The following TNS1 variants were observed in gnomAD, a reference collection of about 807,000 sequenced individuals.
TNS1 encodes tensin 1.
Under a neutral mutation model 168.6 loss-of-function variants are expected in TNS1, and 62 were observed. The ratio of observed to expected loss-of-function variants is 0.37; its 90% confidence interval spans 0.30 to 0.45. The LOEUF is 0.45. Ranked by LOEUF, TNS1 falls within the 20% of genes least tolerant of loss-of-function variation. The pLI, the probability that TNS1 is intolerant of heterozygous loss-of-function variation, is 1.00. For missense variants in TNS1, 2,240 were observed against 2,339.4 expected, an observed-to-expected ratio of 0.96 and a Z score of 0.88; for synonymous variants, 934 against 933.2, an observed-to-expected ratio of 1.00 and a Z score of -0.02.
intron 18 of TNS1, chr2:217,850,153 C>T: frequency 1.0e-6 from 1 of 985,406 alleles, no homozygotes; most frequent in Non-Finnish European, 1.2e-6. Context: ...GGCAGGATCA[C>T]AGCAGGTCTG....
chr2:217,821,690 G>A, intron 23 of TNS1, 50 bp downstream of exon 23: 2 of 1,404,584 alleles, frequency 1.4e-6, no homozygotes, highest in Non-Finnish European at 1.9e-6. Context: ...TCCCGTCCCA[G>A]TCCCAGGCCC....
chr2:217,842,741 G>C (rs1946147801), intron 19 of TNS1, among the ~76,000 whole-genome samples: 1 of 152,124 alleles, frequency 6.6e-6, no homozygotes. Flanking sequence ...AGCTGTCCCT[G>C]TTCCCATTTC....
chr2:218,011,080 A>G (rs2106000725), upstream of TNS1, among the ~76,000 whole-genome samples: 1 of 151,974 alleles, frequency 6.6e-6, no homozygotes, highest in African/African-American at 2.4e-5. Flanking sequence ...CTGGACCAGC[A>G]CTCTAGGGCT....
chr2:217,934,008 C>T (rs138380981), intron 3 of TNS1, among the ~76,000 whole-genome samples: 1 of 152,186 alleles, frequency 6.6e-6, no homozygotes, highest in Non-Finnish European at 1.5e-5. Context: ...GTACTTCATA[C>T]AGATTATCCC....
chr2:217,998,080 G>C (rs1958502203), intron 1 of TNS1, among the ~76,000 whole-genome samples: 1 of 152,160 alleles, frequency 6.6e-6, no homozygotes, highest in Admixed American at 6.5e-5. Flanking sequence ...AGATGCTCTT[G>C]GTCTCCAAGC....
intron 18 of TNS1, chr2:217,859,620 G>A (rs1455147754): frequency 6.5e-7 from 1 of 1,533,832 alleles, no homozygotes; most frequent in South Asian, 1.2e-5. Flanking sequence ...AGGCCAGTGT[G>A]TGTCTGGCCA....
chr2:217,848,608 T>C lies in TNS1; in HGVS notation c.1909A>G (p.Ser637Gly), dbSNP rs1947027854. The C allele has an allele frequency of 6.2e-7, 1 of 1,614,212 alleles. No homozygotes were observed. Among genetic ancestry groups the C allele is most frequent in the African/African-American group, 1.3e-5 (1 of 75,066 alleles). The part of the protein sequence containing the change: ...DDELPNQDGH[S>G]AGSMGTLSSL... ...GAGAGTGTGCCCATGCTGCCCGCACTGTGACCATCCTGGTTTGGCAATTCA... is the reference window on the plus strand; with the variant it reads ...GAGAGTGTGCCCATGCTGCCCGCACCGTGACCATCCTGGTTTGGCAATTCA... The change falls in exon 19 of 33, where the codon AGT (serine) becomes GGT (glycine). Residue 637 changes from serine to glycine, a missense_variant. Physicochemically the swap from Ser to Gly is moderately conservative, Grantham distance 56. This residue lies in a region of TNS1 where 2,131 missense variants were observed against 2,171.2 expected (regional missense o/e 0.98). Coordinates refer to ENST00000682258, the MANE Select transcript of TNS1 (RefSeq NM_001387777.1).
chr2:217,836,066 G>A lies in TNS1; in HGVS notation c.3153C>T (p.Ser1051=), dbSNP rs1945123600. 20 of 1,613,920 alleles carry A rather than the reference G, an allele frequency of 1.2e-5. No individual in the cohort carries two copies. The highest frequency in any genetic ancestry group is 1.5e-5 in the Non-Finnish European group (18 of 1,179,964). The change falls in exon 20 of 33, where the codon TCC becomes TCT. Residue 1051 remains serine, a synonymous_variant. Coordinates refer to ENST00000682258, the MANE Select transcript of TNS1 (RefSeq NM_001387777.1). ...PGVRSPVQCV[S]PELALTIALN... ...GAGCGATGGTAAGAGCCAGCTCCGG[G>A]GAGACACACTGGACAGGGGAGCGAA...
chr2:217,829,738 G>GTA, intron 22 of TNS1: 1 of 1,350,182 alleles, frequency 7.4e-7, no homozygotes, highest in Admixed American at 1.7e-5. Flanking sequence ...GGTCGCCTGA[G>GTA]TCCCAGTGAG....
At position 217,847,881 on chromosome 2, in the gene TNS1, C is replaced by T. The variant is rs774313703; in HGVS notation, c.2636G>A (p.Arg879His). 47 of 1,564,080 alleles carry T rather than the reference C, an allele frequency of 3.0e-5. No homozygotes were observed. Among genetic ancestry groups the T allele is most frequent in the African/African-American group, 9.5e-5 (7 of 74,022 alleles). The change falls in exon 19 of 33, where the codon CGT (arginine) becomes CAT (histidine). Residue 879 changes from arginine (R) to histidine (H), a missense_variant. Physicochemically the swap from Arg to His is conservative, Grantham distance 29. This residue lies in a region of TNS1 where 2,131 missense variants were observed against 2,171.2 expected (regional missense o/e 0.98). Coordinates refer to ENST00000682258, the MANE Select transcript of TNS1 (RefSeq NM_001387777.1). ...GGACTGGGTCAGTGGATGGGACTGA[C>T]GGGAGGATCCAGAGAGGGGCTGGGA... ...LSSQPLSGSS[R>H]QSHPLTQSRS...
At chr2:217,962,214 C>T (rs6436021) in intron 3 of TNS1, among the ~76,000 whole-genome samples, 14,827 of 152,184 alleles carry the variant, frequency 0.097, 1,277 homozygotes, top group African/African-American at 0.23. Flanking sequence ...GATGCCGAGG[C>T]GGGTGGATCA....
chr2:217,869,136 A>C (rs1949543421), intron 18 of TNS1, among the ~76,000 whole-genome samples: 1 of 152,214 alleles, frequency 6.6e-6, no homozygotes, highest in Admixed American at 6.5e-5. Flanking sequence ...ATCAGACAGA[A>C]AGCAGGGACT....
At chr2:217,913,390 A>G (rs953089034) in intron 4 of TNS1, among the ~76,000 whole-genome samples, 15 of 152,222 alleles carry the variant, frequency 9.9e-5, no homozygotes, top group African/African-American at 3.1e-4. Flanking sequence ...GACACCCCCA[A>G]TGCAGCCGGC....
At chr2:217,991,151 G>A (rs1575164954) in intron 1 of TNS1, 95 bp from the exon 2 acceptor site, 2 of 481,416 alleles carry the variant, frequency 4.2e-6, no homozygotes, top group East Asian at 6.2e-5. Flanking sequence ...GCAGGGACAG[G>A]GAAAAGGATG....
chr2:217,907,417 G>A (rs1045304120), intron 4 of TNS1, among the ~76,000 whole-genome samples, 166 bp from the exon 5 acceptor site: 2 of 152,356 alleles, frequency 1.3e-5, no homozygotes, highest in South Asian at 4.1e-4. Context: ...GCACAGGAGG[G>A]AGAGTTTGAC....
intron 7 of TNS1, 119 bp downstream of exon 7, chr2:217,900,344 T>A: frequency 8.5e-7 from 1 of 1,176,832 alleles, no homozygotes; most frequent in Non-Finnish European, 1.2e-6. Flanking sequence ...TTGCCCACAC[T>A]CCCCACCCGT....
At chr2:218,015,284 A>T (rs1958747568), upstream of TNS1, among the ~76,000 whole-genome samples, 1 of 152,160 alleles carries the variant, frequency 6.6e-6, no homozygotes, top group African/African-American at 2.4e-5. Flanking sequence ...GGAGGCCCTC[A>T]TTCCTGAGTC....
At chr2:217,938,404 C>T (rs966048794) in intron 3 of TNS1, among the ~76,000 whole-genome samples, 4 of 152,178 alleles carry the variant, frequency 2.6e-5, no homozygotes, top group African/African-American at 9.7e-5. Context: ...AGGAGCCCTA[C>T]CCTTGCACGG....
chr2:217,935,172 G>A (rs1407980962), intron 3 of TNS1, among the ~76,000 whole-genome samples: 1 of 152,214 alleles, frequency 6.6e-6, no homozygotes, highest in Non-Finnish European at 1.5e-5. Context: ...TCTGAAGGCA[G>A]GGTGAGGAGG....
Sources: gnomAD v4.1 joint callset for allele counts (sites outside exome capture counted in the v4.1 genomes callset) on GRCh38, gnomAD v4.1.1 for gene constraint, gnomAD v4.1.1 regional missense constraint, MANE v1.5 for transcripts, NCBI Gene and HGNC (gene_info 2026-07-23, HGNC 2026-07-21) for gene names.